MAOB: variants seen among roughly 807,000 people sequenced by gnomAD.
The protein encoded by MAOB is amine oxidase [flavin-containing] B.
MAOB carries 15 observed loss-of-function variants against 41.9 expected under a neutral mutation model. The ratio of observed to expected loss-of-function variants is 0.36; its 90% CI spans 0.24 to 0.55. The LOEUF (loss-of-function observed/expected upper bound fraction) is 0.55. MAOB is among the 20% of genes least tolerant of loss of function. The probability of loss-of-function intolerance (pLI) is 0.86; values close to 1 mark genes in which losing one functional copy is unlikely to be tolerated. For missense variants in MAOB, 345 were observed against 398.7 expected (o/e 0.87, Z 1.15); for synonymous variants, 167 against 144.2 (o/e 1.16, Z -1.13).
At chrX:43,772,199 T>C (rs2034193801) in intron 12 of MAOB, among the ~76,000 whole-genome samples, 1 of 111,627 alleles carries the variant, frequency 9.0e-6, no homozygotes, top group Admixed American at 9.5e-5. Context: ...GGGCAGGTAG[T>C]CTCTGTTCAA....
At chrX:43,840,407 A>T (rs1363132659) in intron 2 of MAOB, among the ~76,000 whole-genome samples, 1 of 111,850 alleles carries the variant, frequency 8.9e-6, no homozygotes, top group Non-Finnish European at 1.9e-5. Context: ...ACTGTGCCTG[A>T]TTCATAGTAG....
At chrX:43,772,874 A>G (rs2034203316) in intron 12 of MAOB, among the ~76,000 whole-genome samples, 1 of 111,619 alleles carries the variant, frequency 9.0e-6, no homozygotes, top group African/African-American at 3.3e-5. Flanking sequence ...TGCTTTCGCC[A>G]TGTGACTTGC....
intron 9 of MAOB, 73 bp from the exon 10 acceptor site, chrX:43,780,468 A>G: frequency 1.4e-6 from 1 of 735,674 alleles, no homozygotes; most frequent in Non-Finnish European, 2.1e-6. Flanking sequence ...TCGTAGCTAC[A>G]CATGTGCCCA....
intron 3 of MAOB, among the ~76,000 whole-genome samples, chrX:43,812,627 T>C (rs1451101618): frequency 8.9e-6 from 1 of 112,818 alleles, no homozygotes; most frequent in African/African-American, 3.2e-5. Context: ...TTTGGACGTC[T>C]TCTTTTGAGA....
chrX:43,846,994 T>C (rs1042717724), intron 1 of MAOB, among the ~76,000 whole-genome samples: 8 of 112,508 alleles, frequency 7.1e-5, no homozygotes, highest in Non-Finnish European at 1.1e-4. Flanking sequence ...CGCCACTGTT[T>C]AAACACTTAT....
chrX:43,843,950 G>T, intron 1 of MAOB, 186 bp from the exon 2 acceptor site: 1 of 973,233 alleles, frequency 1.0e-6, no homozygotes, highest in Non-Finnish European at 1.3e-6. Flanking sequence ...AACGACAAAA[G>T]GGATTTCATT....
At chrX:43,824,538 C>G (rs1203637052) in intron 3 of MAOB, among the ~76,000 whole-genome samples, 1 of 111,494 alleles carries the variant, frequency 9.0e-6, no homozygotes, top group Non-Finnish European at 1.9e-5. Flanking sequence ...GAAAAATTAG[C>G]TTGGCATGGT....
chrX:43,870,167 T>C (rs1285108868), intron 1 of MAOB, among the ~76,000 whole-genome samples: 3 of 112,632 alleles, frequency 2.7e-5, no homozygotes, highest in African/African-American at 9.7e-5. Context: ...TGGCTTGGAA[T>C]AGATGGACAG....
intron 1 of MAOB, among the ~76,000 whole-genome samples, chrX:43,879,351 G>A (rs2035459518): frequency 1.8e-5 from 2 of 112,264 alleles, no homozygotes; most frequent in South Asian, 7.4e-4. Context: ...AAAATTATCA[G>A]GGAATTGCCA....
intron 1 of MAOB, among the ~76,000 whole-genome samples, chrX:43,871,312 G>A (rs959143403): frequency 3.6e-5 from 4 of 111,180 alleles, no homozygotes; most frequent in South Asian, 3.9e-4. Context: ...TACAAAGAGT[G>A]AAAGTGAAAT....
chrX:43,870,179 G>A (rs913620480), intron 1 of MAOB, among the ~76,000 whole-genome samples: 6 of 112,438 alleles, frequency 5.3e-5, no homozygotes, highest in Admixed American at 2.8e-4. Flanking sequence ...GATGGACAGC[G>A]TCCAAACTTC....
intron 1 of MAOB, among the ~76,000 whole-genome samples, chrX:43,847,542 G>T (rs1367824942): frequency 9.0e-6 from 1 of 111,011 alleles, no homozygotes; most frequent in Non-Finnish European, 1.9e-5. Flanking sequence ...TGTAGGTTAC[G>T]CAATTAGTAA....
At chrX:43,842,443 C>T (rs2035147898) in intron 2 of MAOB, among the ~76,000 whole-genome samples, 1 of 112,366 alleles carries the variant, frequency 8.9e-6, no homozygotes, top group Non-Finnish European at 1.9e-5. Flanking sequence ...AAAGGGAACC[C>T]TTGTACACTA....
At chrX:43,823,362 G>A (rs764003124) in intron 3 of MAOB, among the ~76,000 whole-genome samples, 74 of 108,477 alleles carry the variant, frequency 6.8e-4, no homozygotes, top group Non-Finnish European at 1.1e-3. Flanking sequence ...TAGTAGAAAC[G>A]GGGTTTCACC....
chrX:43,844,593 G>A (rs2035178485), intron 1 of MAOB: 1 of 112,439 alleles, frequency 8.9e-6, no homozygotes, highest in South Asian at 3.7e-4. Flanking sequence ...GACTGGGAGA[G>A]GAAAACCGGC....
intron 3 of MAOB, among the ~76,000 whole-genome samples, chrX:43,835,992 A>T (rs2035068347): frequency 8.9e-6 from 1 of 112,214 alleles, no homozygotes; most frequent in Admixed American, 9.5e-5. Flanking sequence ...GGCAAGTAGC[A>T]TACTTGATAC....
In MAOB at chrX:43,823,580, T is replaced by C. The variant is rs1261829262; in HGVS notation, c.279+15288A>G. Among the ~76,000 whole-genome samples the C allele has an allele frequency of 1.4e-4, 16 of 111,927 alleles. No individual in the cohort carries two copies. In the Admixed American group the frequency reaches 1.5e-3, roughly 11 times the overall value. ...TTGATATGACAATGTCTACATATCT[T>C]GGGGCTGCTAGAAGATATTAGCAAA... On this transcript the variant is annotated intron_variant, in intron 3 of 14. Coordinates refer to ENST00000378069, the MANE Select transcript of MAOB (RefSeq NM_000898.5).
chrX:43,790,726 T>G (rs7888867), intron 8 of MAOB, among the ~76,000 whole-genome samples: 2,187 of 110,080 alleles, frequency 0.02, 62 homozygotes, highest in South Asian at 0.18. Flanking sequence ...GTACCACAGG[T>G]GTGCACCACT....
At chrX:43,850,757 A>T in intron 1 of MAOB, among the ~76,000 whole-genome samples, 1 of 112,146 alleles carries the variant, frequency 8.9e-6, no homozygotes, top group Non-Finnish European at 1.9e-5. Context: ...AAAATAATGG[A>T]GACCTTTACT....
Sources: allele counts gnomAD v4.1 joint callset (sites outside exome capture counted in the v4.1 genomes callset), GRCh38; gene constraint gnomAD v4.1.1; transcripts MANE v1.5; gene names NCBI Gene and HGNC (gene_info 2026-07-23, HGNC 2026-07-21).